Variants in KLKB1 observed in about 807,000 individuals in gnomAD.
KLKB1 encodes the protein plasma kallikrein.
A neutral mutation model predicts 73.6 loss-of-function variants in KLKB1; 58 were observed. The ratio of observed to expected loss-of-function variants is 0.79; its 90% CI spans 0.64 to 0.98. The LOEUF is 0.98. Among genes scored for constraint, KLKB1 ranks in the 50% least tolerant of loss-of-function variants. KLKB1 has a pLI of 0.00. For synonymous variants in KLKB1, 280 were observed against 258.1 expected (o/e 1.08, Z -0.81); for missense variants, 737 against 763.8 (o/e 0.96, Z 0.41).
In KLKB1 at chr4:186,236,948, C is replaced by G. The variant is rs757405473; in HGVS notation, c.488+8C>G. 1 of 1,613,846 alleles carries G rather than the reference C, an allele frequency of 6.2e-7. No homozygotes were observed. The highest frequency in any genetic ancestry group is 8.5e-7 in the Non-Finnish European group (1 of 1,179,742). ...TCACAAGGCAGAGTACCGGTGAGTA[C>G]AATTCAAGGTGTGTGTTCTTTGTAT... On this transcript the variant is annotated splice_region_variant and intron_variant, in intron 5 of 14. Transcript: ENST00000264690.
intron 13 of KLKB1, among the ~76,000 whole-genome samples, chr4:186,256,292 A>T (rs1738989279): frequency 6.6e-6 from 1 of 152,186 alleles, no homozygotes; most frequent in South Asian, 2.1e-4. Flanking sequence ...GAGACTTTTA[A>T]GCATCTTACT....
chr4:186,238,793 C>T (rs1253847979), intron 6 of KLKB1, among the ~76,000 whole-genome samples: 1 of 152,208 alleles, frequency 6.6e-6, no homozygotes, highest in Non-Finnish European at 1.5e-5. Context: ...GACCCAATCT[C>T]TAGAACAGTA....
At chr4:186,253,643 A>AT (rs4253312) in intron 11 of KLKB1, among the ~76,000 whole-genome samples, 103,611 of 151,860 alleles carry the variant, frequency 0.68, 35,586 homozygotes, top group East Asian at 0.86. Flanking sequence ...TATCTCCATC[A>AT]TTTTTCTAGA....
At chr4:186,214,695 A>G (rs1736836844) in intron 2 of KLKB1, among the ~76,000 whole-genome samples, 1 of 149,202 alleles carries the variant, frequency 6.7e-6, no homozygotes, top group Non-Finnish European at 1.5e-5. Flanking sequence ...TTCTCCTCTA[A>G]TTAAACCAGG....
At chr4:186,221,670 C>T (rs1253118956), upstream of KLKB1, among the ~76,000 whole-genome samples, 4 of 152,140 alleles carry the variant, frequency 2.6e-5, no homozygotes, top group Non-Finnish European at 5.9e-5. Context: ...GATATGATTT[C>T]AATCCTTAAA....
chr4:186,229,148 A>G (rs1248745744), intron 2 of KLKB1, among the ~76,000 whole-genome samples: 1 of 152,218 alleles, frequency 6.6e-6, no homozygotes, highest in Non-Finnish European at 1.5e-5. Flanking sequence ...GGTGAGAAGG[A>G]GCATAAGCCA....
intron 2 of KLKB1, among the ~76,000 whole-genome samples, chr4:186,214,669 G>C (rs1028055455): frequency 6.6e-6 from 1 of 152,136 alleles, no homozygotes; most frequent in African/African-American, 2.4e-5. Flanking sequence ...TGACTTTCTG[G>C]ACTAATTAGT....
In KLKB1 at chr4:186,253,361, G is replaced by A. The variant is rs4253310; in HGVS notation, c.1313+1176G>A. On this transcript the variant is annotated intron_variant, in intron 11 of 14. Transcript: ENST00000264690. Reference sequence around the variant, plus strand: ...ATACTGCCACCAAAATATAGCAGTCGGTGGTACATGTGGGTGGAGCAAGAC... The same window carrying A: ...ATACTGCCACCAAAATATAGCAGTCAGTGGTACATGTGGGTGGAGCAAGAC... Among the ~76,000 whole-genome samples, 491 of 152,268 alleles carry A rather than the reference G, an allele frequency of 3.2e-3. 2 individuals carry two copies. Among genetic ancestry groups the A allele is most frequent in the Non-Finnish European group, 5.6e-3 (381 of 68,014 alleles).
chr4:186,242,391 T>C (rs1207141820), intron 6 of KLKB1, among the ~76,000 whole-genome samples: 1 of 151,910 alleles, frequency 6.6e-6, no homozygotes, highest in East Asian at 1.9e-4. Flanking sequence ...TGGCGAAAGT[T>C]TTTGGGGGTG....
chr4:186,245,394 C>G (rs1738276709), intron 6 of KLKB1, among the ~76,000 whole-genome samples: 1 of 152,106 alleles, frequency 6.6e-6, no homozygotes, highest in Non-Finnish European at 1.5e-5. Flanking sequence ...CCAAGAAGAT[C>G]TGGGAAGCAG....
chr4:186,238,262 T>G lies in KLKB1; in HGVS notation c.495T>G (p.Asn165Lys). The G allele has an allele frequency of 6.2e-7, 1 of 1,608,462 alleles. No individual in the cohort carries two copies. Residue 165 changes from asparagine (N) to lysine (K), a missense_variant, in exon 6 of 15, where the codon AAT becomes AAG. Physicochemically the swap from Asn to Lys is moderately conservative, Grantham distance 94. Transcript: ENST00000264690. Reference sequence around the variant, plus strand: ...CTCTTTTCTTCCCATTCAGGAACAATTGCCTATTAAAGTACAGTCCCGGAG... The same window carrying G: ...CTCTTTTCTTCCCATTCAGGAACAAGTGCCTATTAAAGTACAGTCCCGGAG... ...QTFHKAEYRN[N>K]CLLKYSPGGT...
At chr4:186,223,913 C>A (rs1335327578), upstream of KLKB1, among the ~76,000 whole-genome samples, 1 of 152,172 alleles carries the variant, frequency 6.6e-6, no homozygotes, top group Non-Finnish European at 1.5e-5. Context: ...CATTACAAGC[C>A]CAGAGGCCTA....
intron 4 of KLKB1, among the ~76,000 whole-genome samples, chr4:186,236,204 G>A (rs1469932239): frequency 1.3e-5 from 2 of 151,748 alleles, no homozygotes; most frequent in African/African-American, 2.4e-5. Context: ...AAATCTCAAT[G>A]AAAAGGGTGC....
rs148770029 is a variant in KLKB1, at chr4:186,255,529, T to C, written c.1490-463T>C. 3.3e-3 allele frequency among the ~76,000 whole-genome samples: 510 copies of C among 152,342 alleles called. 4 individuals carry two copies. The highest frequency in any genetic ancestry group is 0.012 in the African/African-American group (484 of 41,578). ...CTGTAGTGAGCCAAGATCGTGCCAC[T>C]GCACACAAACAATTATGTGACCTCG... is the stretch of plus-strand genomic sequence containing the variant. On this transcript the variant is annotated intron_variant, in intron 12 of 14. Coordinates refer to ENST00000264690, the MANE Select transcript of KLKB1 (RefSeq NM_000892.5).
Position 186,258,358 on chromosome 4 carries a change from G to T in KLKB1, c.*146G>T, listed in dbSNP as rs181521872. 2.8e-4 allele frequency: 221 copies of T among 784,646 alleles called. No homozygotes were observed. The highest frequency in any genetic ancestry group is 1.4e-3 in the Middle Eastern group (4 of 2,856). The allele number at this position is 784,646 out of a possible 1,614,324, so 48.6% of individuals were successfully genotyped here. A position where few individuals can be genotyped will look rare whatever the true frequency, so the allele number is the denominator to read the frequency against. ...ACACAGTGCACTCAGAGCTGCTGAGGACAATGTCTGGCTGAAGCCCGCTTT... is the reference window on the plus strand; with the variant it reads ...ACACAGTGCACTCAGAGCTGCTGAGTACAATGTCTGGCTGAAGCCCGCTTT... On this transcript the variant is annotated 3_prime_UTR_variant, in exon 15 of 15. Transcript: ENST00000264690.
intron 6 of KLKB1, 78 bp downstream of exon 6, chr4:186,238,443 T>A: frequency 4.1e-6 from 4 of 971,088 alleles, no homozygotes; most frequent in Non-Finnish European, 6.7e-6. Flanking sequence ...TGCTGAGCCC[T>A]GGGACCTGTG....
At chr4:186,219,765 G>T (rs1341777480) in intron 2 of KLKB1, among the ~76,000 whole-genome samples, 2 of 152,050 alleles carry the variant, frequency 1.3e-5, no homozygotes, top group African/African-American at 4.8e-5. Flanking sequence ...ATTCCTAAGG[G>T]GTCTGGGCCT....
At chr4:186,233,460 T>C (rs903077573) in intron 3 of KLKB1, among the ~76,000 whole-genome samples, 1 of 152,170 alleles carries the variant, frequency 6.6e-6, no homozygotes, top group Non-Finnish European at 1.5e-5. Flanking sequence ...GATCATCATA[T>C]TAAAAGTGGA....
chr4:186,222,769 TGTTA>T (rs1445919124), upstream of KLKB1, among the ~76,000 whole-genome samples: 4 of 152,198 alleles, frequency 2.6e-5, no homozygotes, highest in African/African-American at 9.7e-5. Flanking sequence ...TTTGTTTTCA[TGTTA>T]GTTAGTGTCC....
Sources: gnomAD v4.1 joint callset for allele counts (sites outside exome capture counted in the v4.1 genomes callset) on GRCh38, gnomAD v4.1.1 for gene constraint, MANE v1.5 for transcripts, NCBI Gene and HGNC (gene_info 2026-07-23, HGNC 2026-07-21) for gene names.